RCAN2: variants seen among roughly 807,000 people sequenced by gnomAD.
RCAN2 encodes the protein regulator of calcineurin 2.
RCAN2 carries 9 observed loss-of-function variants against 23.6 expected under a neutral mutation model. The ratio of observed to expected loss-of-function variants is 0.38; its 90% CI spans 0.23 to 0.67. RCAN2 has a LOEUF of 0.67. Among genes scored for constraint, RCAN2 ranks in the 30% least tolerant of loss-of-function variants. The pLI is 0.51. For missense variants in RCAN2, 273 were observed against 302.3 expected, an observed-to-expected ratio of 0.90 and a Z score of 0.72; for synonymous variants, 109 against 115.7, an observed-to-expected ratio of 0.94 and a Z score of 0.37.
intron 2 of RCAN2, among the ~76,000 whole-genome samples, chr6:46,429,953 C>T (rs977391214): frequency 1.4e-4 from 21 of 152,270 alleles, no homozygotes; most frequent in Admixed American, 1.2e-3. Context: ...AGAAAGTTAG[C>T]ATGGCTGGAG....
chr6:46,340,561 A>C (rs1375971442), intron 2 of RCAN2, among the ~76,000 whole-genome samples: 5 of 152,186 alleles, frequency 3.3e-5, no homozygotes, highest in Admixed American at 3.3e-4. Flanking sequence ...GAAGTGTTGA[A>C]GATGGCAGAG....
At chr6:46,438,525 A>G (rs1234822123) in intron 2 of RCAN2, 1 of 152,456 alleles carries the variant, frequency 6.6e-6, no homozygotes, top group African/African-American at 2.4e-5. Context: ...TTCACCAAGA[A>G]AAGGGTGGGG....
intron 2 of RCAN2, among the ~76,000 whole-genome samples, chr6:46,375,755 A>G (rs574146335): frequency 6.6e-6 from 1 of 152,380 alleles, no homozygotes; most frequent in African/African-American, 2.4e-5. Context: ...GCAACCATGG[A>G]CAATATATAA....
At chr6:46,431,482 C>T (rs907545239) in intron 2 of RCAN2, among the ~76,000 whole-genome samples, 8 of 152,152 alleles carry the variant, frequency 5.3e-5, no homozygotes, top group African/African-American at 1.7e-4. Flanking sequence ...CAATAGAAGT[C>T]CGCTCCTTGT....
chr6:46,482,519 A>G (rs147516650), intron 1 of RCAN2, among the ~76,000 whole-genome samples: 1 of 152,326 alleles, frequency 6.6e-6, no homozygotes, highest in East Asian at 1.9e-4. Context: ...GCTCCCAGAT[A>G]AATGGAAATG....
intron 2 of RCAN2, among the ~76,000 whole-genome samples, chr6:46,444,839 C>T (rs141109306): frequency 1.3e-5 from 2 of 152,196 alleles, no homozygotes; most frequent in African/African-American, 4.8e-5. Flanking sequence ...CAGGACAGCA[C>T]CTGTGGCCCC....
intron 4 of RCAN2, among the ~76,000 whole-genome samples, chr6:46,232,210 G>A (rs1456212387): frequency 6.6e-6 from 1 of 152,226 alleles, no homozygotes; most frequent in African/African-American, 2.4e-5. Flanking sequence ...GTAATCCATG[G>A]GGAAGTTGCA....
chr6:46,435,610 AG>A (rs1043149151), intron 2 of RCAN2, among the ~76,000 whole-genome samples: 57 of 152,356 alleles, frequency 3.7e-4, no homozygotes, highest in African/African-American at 1.3e-3. Flanking sequence ...GCACCCGCAG[AG>A]GAATGTATCT....
At chr6:46,477,438 T>C (rs879497474) in intron 1 of RCAN2, among the ~76,000 whole-genome samples, 4 of 152,338 alleles carry the variant, frequency 2.6e-5, no homozygotes, top group Admixed American at 2.6e-4. Context: ...TGCCTGGCTT[T>C]GAATTCCAGC....
chr6:46,272,182 TATACAAAATA>T (rs2150333500), intron 2 of RCAN2, among the ~76,000 whole-genome samples: 1 of 152,320 alleles, frequency 6.6e-6, no homozygotes, highest in South Asian at 2.1e-4. Flanking sequence ...TGTCCATTGT[TATACAAAATA>T]GCCAATATTG....
chr6:46,404,213 C>A (rs1482883575), intron 2 of RCAN2, among the ~76,000 whole-genome samples: 1 of 130,000 alleles, frequency 7.7e-6, no homozygotes, highest in Non-Finnish European at 1.7e-5. Flanking sequence ...CAGAGTAAGA[C>A]TCTGTCTCAA....
At chr6:46,320,824 TA>T (rs1259496091) in intron 2 of RCAN2, among the ~76,000 whole-genome samples, 1 of 152,154 alleles carries the variant, frequency 6.6e-6, no homozygotes, top group African/African-American at 2.4e-5. Flanking sequence ...ACCCTTACCC[TA>T]AGAGAGCTAT....
chr6:46,448,450 A>T (rs1767777236), intron 2 of RCAN2, among the ~76,000 whole-genome samples: 1 of 151,940 alleles, frequency 6.6e-6, no homozygotes, highest in African/African-American at 2.4e-5. Flanking sequence ...CAAAAAATTG[A>T]AAAAGGAATA....
Position 46,246,796 on chromosome 6 carries a change from G to C in RCAN2, c.523C>G (p.Pro175Ala). ...TAGAGGAGGTCATAGTTGAGGACTGGCGTGGCATCGTTGATGGGCTGCCAG... is the reference window on the plus strand; with the variant it reads ...TAGAGGAGGTCATAGTTGAGGACTGCCGTGGCATCGTTGATGGGCTGCCAG... ...VGWQPINDAT[P>A]VLNYDLLYAV... Residue 175 changes from proline to alanine, a missense_variant, in exon 4 of 5, where the codon CCA (proline) becomes GCA (alanine). By Grantham distance (27) the Pro-to-Ala change is conservative. Coordinates refer to ENST00000371374, the MANE Select transcript of RCAN2 (RefSeq NM_001251974.2). The C allele has an allele frequency of 6.2e-7, 1 of 1,613,726 alleles. No homozygotes were observed. The highest frequency in any genetic ancestry group is 2.2e-5 in the East Asian group (1 of 44,796).
intron 2 of RCAN2, among the ~76,000 whole-genome samples, chr6:46,351,078 T>A (rs2150378160): frequency 6.6e-6 from 1 of 152,340 alleles, no homozygotes; most frequent in South Asian, 2.1e-4. Flanking sequence ...GCTATTATCA[T>A]TATATCTATA....
chr6:46,247,048 T>G (rs1766540298), intron 3 of RCAN2, 129 bp from the exon 4 acceptor site: 1 of 681,218 alleles, frequency 1.5e-6, no homozygotes, highest in Non-Finnish European at 2.4e-6. Flanking sequence ...GTAATAATAA[T>G]TACCACTTAC....
intron 2 of RCAN2, among the ~76,000 whole-genome samples, chr6:46,254,005 A>C (rs892153042): frequency 4.6e-5 from 7 of 152,190 alleles, no homozygotes. Context: ...GAAATCACCT[A>C]AGGACACATT....
intron 4 of RCAN2, among the ~76,000 whole-genome samples, chr6:46,233,528 G>A (rs1035465202): frequency 1.3e-5 from 2 of 152,164 alleles, no homozygotes; most frequent in Non-Finnish European, 2.9e-5. Context: ...GGAATCTGCA[G>A]CAGAGACCCA....
chr6:46,414,726 G>C (rs1043067004), intron 2 of RCAN2, among the ~76,000 whole-genome samples: 1 of 152,204 alleles, frequency 6.6e-6, no homozygotes, highest in Non-Finnish European at 1.5e-5. Context: ...TCTCAAGCCT[G>C]CTGGCTTCCC....
Sources: allele counts gnomAD v4.1 joint callset (sites outside exome capture counted in the v4.1 genomes callset), GRCh38; gene constraint gnomAD v4.1.1; transcripts MANE v1.5; gene names NCBI Gene and HGNC (gene_info 2026-07-23, HGNC 2026-07-21).